Variants in PHLDA1 observed in about 807,000 individuals in gnomAD.
PHLDA1 encodes the protein pleckstrin homology like domain family A member 1.
Under a neutral mutation model 33.8 loss-of-function variants are expected in PHLDA1, and 28 were observed. That is an observed-to-expected ratio of 0.83 (90% CI 0.61 to 1.14). PHLDA1 has a LOEUF of 1.14. Ranked by LOEUF, PHLDA1 falls within the 50% of genes most tolerant of loss-of-function variation. The probability of loss-of-function intolerance (pLI) is 0.00; values close to 1 mark genes in which losing one functional copy is unlikely to be tolerated. For missense variants in PHLDA1, 595 were observed against 548.6 expected (o/e 1.08, Z -0.84); for synonymous variants, 271 against 243.6 (o/e 1.11, Z -1.05).
exon 1 of PHLDA1, chr12:76,030,711 T>A (rs2136925411): frequency 6.0e-6 from 7 of 1,173,992 alleles, no homozygotes; most frequent in Non-Finnish European, 8.7e-6. Flanking sequence ...CTGCTGGGGC[T>A]GAGGCTTGGG....
In PHLDA1 at chr12:76,031,599, G is replaced by T. The variant is rs776569569; in HGVS notation, c.143C>A (p.Pro48Gln). 2 of 1,574,886 alleles carry T rather than the reference G, an allele frequency of 1.3e-6. No individual in the cohort carries two copies. Among genetic ancestry groups the T allele is most frequent in the South Asian group, 2.3e-5 (2 of 85,622 alleles). ...TTGCGAGCGCTCACTGAAGGGCACT[G>T]GCCGGGCCCCCTCGCGGCGCTTTTG... Residue 48 changes from proline to glutamine, a missense_variant, in exon 1 of 2, where the codon CCA (proline) becomes CAA (glutamine). By Grantham distance (76) the Pro-to-Gln change is moderately conservative. Coordinates refer to ENST00000266671, the Ensembl canonical transcript of PHLDA1. The surrounding 1 kb of genome is among the most constrained non-coding windows in gnomAD (Gnocchi z 5.4).
chr12:76,030,917 C>T, exon 1 of PHLDA1: 1 of 1,613,980 alleles, frequency 6.2e-7, no homozygotes. Flanking sequence ...GCAGCGTGAT[C>T]TCGGCGTTCC....
At chr12:76,030,348 C>G in intron 1 of PHLDA1, 162 bp downstream of exon 1, 1 of 640,926 alleles carries the variant, frequency 1.6e-6, no homozygotes, top group East Asian at 2.7e-5. Flanking sequence ...CTGCCCAGCT[C>G]TCCTGGCCCC....
At chr12:76,030,622 G>A in exon 1 of PHLDA1, 1 of 1,563,036 alleles carries the variant, frequency 6.4e-7, no homozygotes, top group Non-Finnish European at 8.8e-7. Context: ...ATTTGGTGCG[G>A]ATGCGGGTGC....
rs185774264 is a variant in PHLDA1 at position 76,031,703 on chromosome 12, C to T, written c.39G>A (p.Leu13=). Reference sequence around the variant, plus strand: ...GGCGCCCGCACCGCGGGGGAAAGCCCAGCTCCAAGAGGCGCTCGGCAGCCG... The same window carrying T: ...GGCGCCCGCACCGCGGGGGAAAGCCTAGCTCCAAGAGGCGCTCGGCAGCCG... Residue 13 remains leucine (L), a synonymous_variant, in exon 1 of 2, where the codon CTG becomes CTA. Coordinates refer to ENST00000266671, the Ensembl canonical transcript of PHLDA1. This position sits in a 1 kb window ranked among gnomAD's most constrained non-coding sequence, Gnocchi z 5.4. 1.1e-4 allele frequency: 164 copies of T among 1,431,316 alleles called. No homozygotes were observed. The East Asian group carries it at 3.3e-3, about 29-fold the overall frequency. 88.7% of individuals were successfully genotyped at this position (1,431,316 alleles called of 1,614,324 possible). A position where few individuals can be genotyped will look rare whatever the true frequency, so the allele number is the denominator to read the frequency against.
Position 76,031,371 on chromosome 12 carries a change from G to GC in PHLDA1, c.370dup (p.Ala124GlyfsTer23). ...TGGCTCGGCCTCTCCGTTTCCAGCC[G>GC]CGCGGGCCGGGGGCAGCAGCAGCAG... On this transcript the variant is annotated frameshift_variant, in exon 1 of 2. Transcript: ENST00000266671. LOFTEE classifies it high-confidence loss of function. This position sits in a 1 kb window ranked among gnomAD's most constrained non-coding sequence, Gnocchi z 5.4. 1 of 1,608,486 alleles carries GC rather than the reference G, an allele frequency of 6.2e-7. No individual in the cohort carries two copies. The highest frequency in any genetic ancestry group is 8.5e-7 in the Non-Finnish European group (1 of 1,178,152).
intron 1 of PHLDA1, 138 bp from the exon 2 acceptor site, chr12:76,030,230 G>A: frequency 2.0e-6 from 1 of 489,948 alleles, no homozygotes; most frequent in Non-Finnish European, 3.7e-6. Flanking sequence ...ATATAGTCAA[G>A]TGGGGCTGGG....
Position 76,031,573 on chromosome 12 carries a change from C to T in PHLDA1, c.169G>A (p.Glu57Lys), listed in dbSNP as rs756662917. ...CGAGCTGCCGGGCCTCTGCCGTCCT[C>T]TTGCGAGCGCTCACTGAAGGGCACT... is the stretch of plus-strand genomic sequence containing the variant. The change falls in exon 1 of 2, where the codon GAG becomes AAG. Residue 57 changes from glutamate to lysine, a missense_variant. Around this residue, in one of 3 missense-constraint regions of PHLDA1, gnomAD observed 263 missense variants for 232.3 expected, o/e 1.13. Transcript: ENST00000266671. The surrounding 1 kb of genome is among the most constrained non-coding windows in gnomAD (Gnocchi z 5.4). The T allele has an allele frequency of 1.5e-4, 239 of 1,573,028 alleles. No homozygotes were observed. Among genetic ancestry groups the T allele is most frequent in the Non-Finnish European group, 2.0e-4 (228 of 1,162,414 alleles).
chr12:76,027,558 T>C (rs959372594), exon 2 of PHLDA1: 1 of 151,828 alleles, frequency 6.6e-6, no homozygotes, highest in Non-Finnish European at 1.5e-5. Context: ...GGTCAGGAGT[T>C]CGAGAACAGC....
exon 1 of PHLDA1, chr12:76,030,632 C>T: frequency 2.0e-6 from 3 of 1,504,928 alleles, no homozygotes; most frequent in Non-Finnish European, 2.8e-6. Context: ...GATGCGGGTG[C>T]GGGTGAGGGT....
Position 76,031,437 on chromosome 12 carries a change from G to C in PHLDA1, c.305C>G (p.Ala102Gly), listed in dbSNP as rs758771444. 1 of 1,542,170 alleles carries C rather than the reference G, an allele frequency of 6.5e-7. No individual in the cohort carries two copies. The highest frequency in any genetic ancestry group is 1.4e-5 in the African/African-American group (1 of 72,840). ...GCCCCAGCGGCTCCCACGGCCGCCT[G>C]CCCGGAGCGCGCAGAGGAGGCTAAC... The change falls in exon 1 of 2, where the codon GCA becomes GGA. Residue 102 changes from alanine (A) to glycine (G), a missense_variant. Ala to Gly is a moderately conservative substitution (Grantham distance 60, BLOSUM62 0). This residue lies in a region of PHLDA1 where 263 missense variants were observed against 232.3 expected (regional missense o/e 1.13). Coordinates refer to ENST00000266671, the Ensembl canonical transcript of PHLDA1. This position sits in a 1 kb window ranked among gnomAD's most constrained non-coding sequence, Gnocchi z 5.4.
At chr12:76,028,029 C>T (rs570760763) in exon 2 of PHLDA1, 38 of 150,882 alleles carry the variant, frequency 2.5e-4, no homozygotes, top group Non-Finnish European at 4.9e-4. Flanking sequence ...TGGGAAAAAA[C>T]TGTGGTTCAT....
chr12:76,031,236 T>C lies in PHLDA1; in HGVS notation c.506A>G (p.Lys169Arg), dbSNP rs772604611. 4 of 1,613,894 alleles carry C rather than the reference T, an allele frequency of 2.5e-6. No homozygotes were observed. The highest frequency in any genetic ancestry group is 2.5e-6 in the Non-Finnish European group (3 of 1,179,918). ...TTCCTCGGTGAGGATGCAACACTTT[T>C]TCTTCCAGAGCTGCAACAACCCGTC... The change falls in exon 1 of 2, where the codon AAA (lysine) becomes AGA (arginine). Residue 169 changes from lysine to arginine, a missense_variant. Around this residue, in one of 3 missense-constraint regions of PHLDA1, gnomAD observed 4 missense variants for 20.6 expected, o/e 0.19. Coordinates refer to ENST00000266671, the Ensembl canonical transcript of PHLDA1. This position sits in a 1 kb window ranked among gnomAD's most constrained non-coding sequence, Gnocchi z 5.4.
rs142177435 is a variant in PHLDA1 at position 76,030,864 on chromosome 12, T to C, written c.878A>G (p.Lys293Arg). The C allele has an allele frequency of 1.8e-4, 286 of 1,608,696 alleles. No individual in the cohort carries two copies. The highest frequency in any genetic ancestry group is 2.3e-4 in the Non-Finnish European group (269 of 1,177,484). ...GTGCTGCTGCTTCTGCCGCGTGGAT[T>C]TGACCGCCAGGATGGCCTGACGATT... Residue 293 changes from lysine (K) to arginine (R), a missense_variant, in exon 1 of 2, where the codon AAA (lysine) becomes AGA (arginine). Around this residue, in one of 3 missense-constraint regions of PHLDA1, gnomAD observed 328 missense variants for 295.7 expected, o/e 1.11. Coordinates refer to ENST00000266671, the Ensembl canonical transcript of PHLDA1.
In PHLDA1 at chr12:76,031,697, A is replaced by T. The variant is rs1394189428; in HGVS notation, c.45T>A (p.Phe15Leu). 6.9e-7 allele frequency: 1 copy of T among 1,446,756 alleles called. No homozygotes were observed. Among genetic ancestry groups the T allele is most frequent in the East Asian group, 2.8e-5 (1 of 35,724 alleles). The allele number at this position is 1,446,756 out of a possible 1,614,324, so 89.6% of individuals were successfully genotyped here. A position where few individuals can be genotyped will look rare whatever the true frequency, so the allele number is the denominator to read the frequency against. The stretch of plus-strand genomic sequence containing the variant: ...GCTCCTGGCGCCCGCACCGCGGGGG[A>T]AAGCCCAGCTCCAAGAGGCGCTCGG... The change falls in exon 1 of 2, where the codon TTT (phenylalanine) becomes TTA (leucine). Residue 15 changes from phenylalanine to leucine, a missense_variant. Physicochemically the swap from Phe to Leu is conservative, Grantham distance 22. Coordinates refer to ENST00000266671, the Ensembl canonical transcript of PHLDA1. This position sits in a 1 kb window ranked among gnomAD's most constrained non-coding sequence, Gnocchi z 5.4.
exon 1 of PHLDA1, chr12:76,030,596 T>C (rs762811183): frequency 6.2e-7 from 1 of 1,607,310 alleles, no homozygotes; most frequent in Non-Finnish European, 8.5e-7. Flanking sequence ...AGTGCGGCTG[T>C]GGGTGTGGGT....
chr12:76,028,108 A>C (rs909436655), exon 2 of PHLDA1: 9 of 152,160 alleles, frequency 5.9e-5, no homozygotes, highest in African/African-American at 2.2e-4. Context: ...AAGTACAGCC[A>C]CAGTTCTAAG....
chr12:76,030,591 G>C (rs942863239), exon 1 of PHLDA1: 4 of 1,612,406 alleles, frequency 2.5e-6, no homozygotes, highest in Non-Finnish European at 3.4e-6. Flanking sequence ...CTGCGAGTGC[G>C]GCTGTGGGTG....
chr12:76,031,172 CT>C lies in PHLDA1; in HGVS notation c.569del (p.Gln190ArgfsTer48). The C allele has an allele frequency of 1.7e-6, 2 of 1,179,404 alleles. No homozygotes were observed. The highest frequency in any genetic ancestry group is 2.7e-5 in the South Asian group (2 of 75,224). 73.1% of individuals were successfully genotyped at this position (1,179,404 alleles called of 1,614,324 possible). A position where few individuals can be genotyped will look rare whatever the true frequency, so the allele number is the denominator to read the frequency against. ...GCTGCTGCTGTTGCTGCTGCTGCTG[CT>C]GGTGTTGCAGCTGCTTGGGCGGGAT... On this transcript the variant is annotated frameshift_variant, in exon 1 of 2. Coordinates refer to ENST00000266671, the Ensembl canonical transcript of PHLDA1. LOFTEE classifies it high-confidence loss of function. The surrounding 1 kb of genome is among the most constrained non-coding windows in gnomAD (Gnocchi z 5.4).
Sources: allele counts gnomAD v4.1 joint callset, GRCh38; gene constraint gnomAD v4.1.1; regional missense constraint gnomAD v4.1.1; non-coding constraint Gnocchi (gnomAD v3.1); transcripts MANE v1.5; gene names NCBI Gene and HGNC (gene_info 2026-07-23, HGNC 2026-07-21).